IMMP2L: variants seen among roughly 807,000 people sequenced by gnomAD.
The protein encoded by IMMP2L is inner mitochondrial membrane peptidase subunit 2.
IMMP2L carries 18 observed loss-of-function variants against 19.3 expected under a neutral mutation model. The ratio of observed to expected loss-of-function variants is 0.93; its 90% CI spans 0.64 to 1.38. IMMP2L has a LOEUF of 1.38. IMMP2L is among the 40% of genes most tolerant of loss of function. IMMP2L has a pLI of 0.00. For missense variants in IMMP2L, 233 were observed against 218.2 expected, an observed-to-expected ratio of 1.07 and a Z score of -0.43; for synonymous variants, 76 against 73.0, an observed-to-expected ratio of 1.04 and a Z score of -0.21.
At chr7:111,493,416 A>C (rs1188884877) in intron 2 of IMMP2L, among the ~76,000 whole-genome samples, 1 of 152,144 alleles carries the variant, frequency 6.6e-6, no homozygotes, top group Non-Finnish European at 1.5e-5. Flanking sequence ...AAAAGAAAAA[A>C]AACAGGCCGG....
At chr7:111,079,127 T>C (rs1563219642) in intron 3 of IMMP2L, among the ~76,000 whole-genome samples, 1 of 151,868 alleles carries the variant, frequency 6.6e-6, no homozygotes, top group Non-Finnish European at 1.5e-5. Flanking sequence ...TTTTTCTTTT[T>C]TTTTTTTTGA....
chr7:111,534,465 T>C (rs1230689182), intron 1 of IMMP2L, among the ~76,000 whole-genome samples: 1 of 152,164 alleles, frequency 6.6e-6, no homozygotes, highest in East Asian at 1.9e-4. Flanking sequence ...ATCATCATCA[T>C]AGAAAGAGGT....
chr7:111,549,669 G>T (rs1849260763), intron 1 of IMMP2L, among the ~76,000 whole-genome samples: 1 of 152,104 alleles, frequency 6.6e-6, no homozygotes, highest in Admixed American at 6.5e-5. Context: ...GCCACGTGTG[G>T]TGGCTCACAC....
At chr7:111,055,330 A>G (rs1253320606) in intron 3 of IMMP2L, among the ~76,000 whole-genome samples, 1 of 152,190 alleles carries the variant, frequency 6.6e-6, no homozygotes, top group African/African-American at 2.4e-5. Context: ...GGCGTGAGCC[A>G]CCACGCTCAG....
At chr7:110,942,975 A>G (rs1305463344) in intron 4 of IMMP2L, among the ~76,000 whole-genome samples, 1 of 151,982 alleles carries the variant, frequency 6.6e-6, no homozygotes, top group Non-Finnish European at 1.5e-5. Flanking sequence ...ACATATATTG[A>G]CCACACAATC....
intron 3 of IMMP2L, among the ~76,000 whole-genome samples, chr7:111,441,089 C>CTTCT (rs1837665096): frequency 6.6e-6 from 1 of 151,890 alleles, no homozygotes; most frequent in Non-Finnish European, 1.5e-5. Flanking sequence ...GTGGCTTAAT[C>CTTCT]TTCTGTCCAA....
chr7:110,936,864 C>T (rs1161977652), intron 4 of IMMP2L, among the ~76,000 whole-genome samples: 2 of 152,148 alleles, frequency 1.3e-5, no homozygotes. Flanking sequence ...GAATACTATG[C>T]AGCCATGAAA....
At chr7:110,774,813 C>G (rs1403431649) in intron 5 of IMMP2L, among the ~76,000 whole-genome samples, 1 of 151,950 alleles carries the variant, frequency 6.6e-6, no homozygotes, top group Non-Finnish European at 1.5e-5. Context: ...TGCACAATGA[C>G]AAAAAGGCCT....
At chr7:111,138,168 A>G (rs1273497901) in intron 3 of IMMP2L, among the ~76,000 whole-genome samples, 1 of 152,204 alleles carries the variant, frequency 6.6e-6, no homozygotes, top group Non-Finnish European at 1.5e-5. Context: ...TTTAAAATAC[A>G]AAAAGGTACT....
chr7:111,359,178 A>G (rs189632210), intron 3 of IMMP2L, among the ~76,000 whole-genome samples: 39 of 152,284 alleles, frequency 2.6e-4, no homozygotes, highest in African/African-American at 8.4e-4. Context: ...TGGCAAGGTC[A>G]GTGATACAAA....
intron 4 of IMMP2L, among the ~76,000 whole-genome samples, chr7:110,900,159 G>A (rs117204201): frequency 6.9e-4 from 105 of 152,242 alleles, no homozygotes; most frequent in South Asian, 2.3e-3. Flanking sequence ...GGATTCAAGA[G>A]GATAAAGTGA....
chr7:111,198,789 T>C (rs904118627), intron 3 of IMMP2L, among the ~76,000 whole-genome samples: 8 of 152,208 alleles, frequency 5.3e-5, no homozygotes, highest in African/African-American at 9.7e-5. Context: ...ATCATACTTA[T>C]ATCTGGCCTT....
rs576320740 is a variant in IMMP2L, at chr7:110,757,200, G to A, written c.409-93479C>T. Among the ~76,000 whole-genome samples the A allele has an allele frequency of 6.6e-6, 1 of 152,164 alleles. No individual in the cohort carries two copies. Among genetic ancestry groups the A allele is most frequent in the East Asian group, 1.9e-4 (1 of 5,164 alleles). On this transcript the variant is annotated intron_variant, in intron 5 of 5. Transcript: ENST00000405709. This position sits in a 1 kb window ranked among gnomAD's most constrained non-coding sequence, Gnocchi z 4.2. ...ATAGGGAGGGAATCCAGTGTTGGAG[G>A]CAAGGGGTGAAATCAGGGCTGGCTT...
chr7:110,816,231 G>C (rs1158070624), intron 5 of IMMP2L, among the ~76,000 whole-genome samples: 3 of 152,112 alleles, frequency 2.0e-5, no homozygotes, highest in African/African-American at 7.2e-5. Context: ...GTACCCAGTA[G>C]TCATTCAGGA....
chr7:111,255,803 A>T (rs1227983432), intron 3 of IMMP2L, among the ~76,000 whole-genome samples: 2 of 152,056 alleles, frequency 1.3e-5, no homozygotes, highest in South Asian at 2.1e-4. Flanking sequence ...GTGTCCTTTA[A>T]TAACTATTGT....
Position 110,670,607 on chromosome 7 carries a change from T to A in IMMP2L, c.409-6886A>T, listed in dbSNP as rs563622634. 1.4e-3 allele frequency among the ~76,000 whole-genome samples: 213 copies of A among 151,706 alleles called. 2 individuals carry two copies. Among genetic ancestry groups the A allele is most frequent in the African/African-American group, 4.9e-3 (204 of 41,328 alleles). Reference sequence around the variant, plus strand: ...CGCCAGGCTGAGGCAGAAGAATTGCTTGAACCCAGGAGTCAGAGGTTGCAG... The same window carrying A: ...CGCCAGGCTGAGGCAGAAGAATTGCATGAACCCAGGAGTCAGAGGTTGCAG... On this transcript the variant is annotated intron_variant, in intron 5 of 5. Coordinates refer to ENST00000405709, the MANE Select transcript of IMMP2L (RefSeq NM_032549.4).
At chr7:111,178,892 A>G (rs12673888) in intron 3 of IMMP2L, among the ~76,000 whole-genome samples, 4,385 of 152,136 alleles carry the variant, frequency 0.029, 100 homozygotes, top group South Asian at 0.041. Context: ...ATTCCTGTTC[A>G]TGTTGATATT....
chr7:111,291,776 C>A lies in IMMP2L; in HGVS notation c.239+195462G>T, dbSNP rs190548748. Among the ~76,000 whole-genome samples, 247 of 152,178 alleles carry A rather than the reference C, an allele frequency of 1.6e-3. 1 individual carries two copies. The highest frequency in any genetic ancestry group is 5.7e-3 in the African/African-American group (236 of 41,530). On this transcript the variant is annotated intron_variant, in intron 3 of 5. Coordinates refer to ENST00000405709, the MANE Select transcript of IMMP2L (RefSeq NM_032549.4). ...AAATGTTTTCACCACAAAAAAATGA[C>A]AAGTATATTAGAGGAAGGATTTGTT...
chr7:111,385,526 T>C (rs1019484706), intron 3 of IMMP2L, among the ~76,000 whole-genome samples: 1 of 152,176 alleles, frequency 6.6e-6, no homozygotes, highest in Admixed American at 6.6e-5. Context: ...GTCCTTTTCA[T>C]TGACAGGACT....
Sources: allele counts gnomAD v4.1 joint callset (sites outside exome capture counted in the v4.1 genomes callset), GRCh38; gene constraint gnomAD v4.1.1; non-coding constraint Gnocchi (gnomAD v3.1); transcripts MANE v1.5; gene names NCBI Gene and HGNC (gene_info 2026-07-23, HGNC 2026-07-21).